Variants in SERPINB6 observed in about 807,000 individuals in gnomAD.
SERPINB6 encodes the protein serpin family B member 6.
In SERPINB6, 16 loss-of-function variants were observed where a neutral mutation model predicts 26.1. The ratio of observed to expected loss-of-function variants is 0.61; its 90% CI spans 0.42 to 0.93. SERPINB6 has a LOEUF of 0.93. SERPINB6 is among the 40% of genes least tolerant of loss of function. The pLI, the probability that SERPINB6 is intolerant of heterozygous loss-of-function variation, is 0.00. For synonymous variants in SERPINB6, 174 were observed against 176.6 expected (o/e 0.99, Z 0.11); for missense variants, 420 against 478.0 (o/e 0.88, Z 1.13).
chr6:2,951,453 T>G (rs2113139013), intron 5 of SERPINB6, among the ~76,000 whole-genome samples: 1 of 150,762 alleles, frequency 6.6e-6, no homozygotes, highest in African/African-American at 2.4e-5. Flanking sequence ...TAAAAAAAAT[T>G]AGGTGGTGGG....
intron 5 of SERPINB6, among the ~76,000 whole-genome samples, chr6:2,949,602 C>T (rs1351298392): frequency 6.6e-6 from 1 of 152,216 alleles, no homozygotes; most frequent in Non-Finnish European, 1.5e-5. Context: ...ATTGGCTCTA[C>T]CTCGAGAATA....
intron 4 of SERPINB6, 50 bp downstream of exon 4, chr6:2,954,542 A>C (rs1425610486): frequency 7.2e-7 from 1 of 1,394,868 alleles, no homozygotes; most frequent in Non-Finnish European, 1.0e-6. Flanking sequence ...AACTGACAAT[A>C]AAATGGATTA....
chr6:2,955,467 G>A (rs900713537), intron 3 of SERPINB6, 57 bp downstream of exon 3: 1 of 1,609,388 alleles, frequency 6.2e-7, no homozygotes, highest in Non-Finnish European at 8.5e-7. Context: ...CTGGGCCCCA[G>A]CCCCCACTAC....
chr6:2,950,967 C>T (rs1413250308), intron 5 of SERPINB6, among the ~76,000 whole-genome samples: 9 of 152,220 alleles, frequency 5.9e-5, no homozygotes, highest in Non-Finnish European at 1.3e-4. Flanking sequence ...CCACTCATTT[C>T]CTTGGCCAGC....
In SERPINB6 at chr6:2,948,761, C is replaced by T. The variant is rs35888769; in HGVS notation, c.730-62G>A. 8 of 1,579,758 alleles carry T rather than the reference C, an allele frequency of 5.1e-6. No individual in the cohort carries two copies. The highest frequency in any genetic ancestry group is 7.0e-6 in the Non-Finnish European group (8 of 1,149,908). On this transcript the variant is annotated intron_variant, in intron 6 of 6. Coordinates refer to ENST00000380539, the MANE Select transcript of SERPINB6 (RefSeq NM_004568.6). This position sits in a 1 kb window ranked among gnomAD's most constrained non-coding sequence, Gnocchi z 5.0. ...TGCTGCTGCCCAGCAGGGCCCTGTGCTATGCTGTGGATGCCAGACACCAGT... is the reference window on the plus strand; with the variant it reads ...TGCTGCTGCCCAGCAGGGCCCTGTGTTATGCTGTGGATGCCAGACACCAGT...
chr6:2,970,028 C>G, intron 1 of SERPINB6: 6 of 963,348 alleles, frequency 6.2e-6, no homozygotes, highest in Non-Finnish European at 7.3e-6. Context: ...TGCAGTCAGC[C>G]GAAATCGCAC....
chr6:2,971,208 G>A (rs964026998), intron 1 of SERPINB6: 71 of 983,630 alleles, frequency 7.2e-5, no homozygotes, highest in South Asian at 9.4e-5. Context: ...CCTCGGGTCC[G>A]CGGCGTCACC....
At chr6:2,968,489 AAATG>A in intron 1 of SERPINB6, 18 of 1,089,120 alleles carry the variant, frequency 1.7e-5, no homozygotes, top group Non-Finnish European at 2.0e-5. Context: ...GAAATCATAT[AAATG>A]AATGTTCTCT....
chr6:2,962,203 G>A lies in SERPINB6; in HGVS notation c.-10-2861C>T, dbSNP rs555328473. On this transcript the variant is annotated intron_variant, in intron 1 of 6. Transcript: ENST00000380539. ...CACTGGGGAGGTGCCTGTCTGGCCA[G>A]CCCAGGTTACACCATCTGGGGCAGA... 17 of 985,478 alleles carry A rather than the reference G, an allele frequency of 1.7e-5. No individual in the cohort carries two copies. The East Asian group carries it at 1.9e-3, about 112-fold the overall frequency. The allele number at this position is 985,478 out of a possible 1,614,324, so 61.0% of individuals were successfully genotyped here.
chr6:2,968,937 A>T, intron 1 of SERPINB6: 2 of 1,223,172 alleles, frequency 1.6e-6, no homozygotes, highest in African/African-American at 1.6e-5. Context: ...GGGTGGAAGC[A>T]GATGGGGGTC....
intron 2 of SERPINB6, among the ~76,000 whole-genome samples, chr6:2,958,717 A>C (rs1011479193): frequency 1.3e-5 from 2 of 152,184 alleles, no homozygotes; most frequent in African/African-American, 4.8e-5. Flanking sequence ...CTAAGCTGGG[A>C]GAGCTGGTTA....
chr6:2,956,731 G>A (rs182670904), intron 2 of SERPINB6: 1 of 152,372 alleles, frequency 6.6e-6, no homozygotes, highest in East Asian at 1.9e-4. Flanking sequence ...TGAGGCAGGA[G>A]AATCACTTGA....
At chr6:2,952,060 G>A (rs1769873052) in intron 5 of SERPINB6, among the ~76,000 whole-genome samples, 1 of 152,200 alleles carries the variant, frequency 6.6e-6, no homozygotes, top group Non-Finnish European at 1.5e-5. Context: ...CTCCTAGCAG[G>A]GGAGATGAGC....
intron 5 of SERPINB6, among the ~76,000 whole-genome samples, chr6:2,951,685 AG>A (rs1387659133): frequency 6.6e-6 from 1 of 152,206 alleles, no homozygotes; most frequent in African/African-American, 2.4e-5. Context: ...GTGCCCTTGG[AG>A]GTACACCTCT....
chr6:2,948,505 T>A lies in SERPINB6; in HGVS notation c.924A>T (p.Thr308=). Residue 308 remains threonine, a synonymous_variant, in exon 7 of 7, where the codon ACA becomes ACT. Transcript: ENST00000380539. This position sits in a 1 kb window ranked among gnomAD's most constrained non-coding sequence, Gnocchi z 5.0. ...GKADFSGMSQ[T]DLSLSKVVHK... is the part of the protein sequence containing the mutation. ...GCACGACCTTGGACAGAGACAGGTC[T>A]GTCTGGGACATTCCAGAGAAGTCTG... 6.2e-7 allele frequency: 1 copy of A among 1,614,182 alleles called. No homozygotes were observed. The highest frequency in any genetic ancestry group is 1.1e-5 in the South Asian group (1 of 91,088).
At chr6:2,951,157 A>C (rs547031985) in intron 5 of SERPINB6, among the ~76,000 whole-genome samples, 2 of 152,220 alleles carry the variant, frequency 1.3e-5, no homozygotes, top group African/African-American at 4.8e-5. Context: ...AGGCCCGGGC[A>C]GGTGGATCAC....
At position 2,959,349 on chromosome 6, in the gene SERPINB6, C is replaced by A. The variant is rs1244857024; in HGVS notation, c.-10-7G>T. 6.2e-7 allele frequency: 1 copy of A among 1,613,504 alleles called. No homozygotes were observed. Among genetic ancestry groups the A allele is most frequent in the South Asian group, 1.1e-5 (1 of 91,082 alleles). ...AACATCCATGATGGCAGACCTGGAA[C>A]AAGATTTAAAATCAGTATCACTTAA... On this transcript the variant is annotated splice_region_variant and splice_polypyrimidine_tract_variant and intron_variant, in intron 1 of 6. Coordinates refer to ENST00000380539, the MANE Select transcript of SERPINB6 (RefSeq NM_004568.6).
At chr6:2,968,497 GTTCTC>G in intron 1 of SERPINB6, 1 of 1,103,840 alleles carries the variant, frequency 9.1e-7, no homozygotes, top group Non-Finnish European at 1.1e-6. Context: ...ATAAATGAAT[GTTCTC>G]TTCTGACCTT....
At chr6:2,966,914 C>A in intron 1 of SERPINB6, 1 of 984,608 alleles carries the variant, frequency 1.0e-6, no homozygotes, top group Non-Finnish European at 1.2e-6. Flanking sequence ...GTTGGCTTCC[C>A]AAAGTGCTGG....
Sources: gnomAD v4.1 joint callset for allele counts (sites outside exome capture counted in the v4.1 genomes callset) on GRCh38, gnomAD v4.1.1 for gene constraint, Gnocchi (gnomAD v3.1) non-coding constraint, MANE v1.5 for transcripts, NCBI Gene and HGNC (gene_info 2026-07-23, HGNC 2026-07-21) for gene names.